Variants in MEST observed in about 807,000 individuals in gnomAD.
MEST encodes mesoderm specific transcript.
A neutral mutation model predicts 50.9 loss-of-function variants in MEST; 18 were observed. That is an observed-to-expected ratio of 0.35 (90% CI 0.24 to 0.52). MEST has a LOEUF of 0.52. MEST is among the 20% of genes least tolerant of loss of function. The pLI is 0.94. For missense variants in MEST, 282 were observed against 425.3 expected (o/e 0.66, Z 2.96); for synonymous variants, 130 against 154.1 (o/e 0.84, Z 1.16).
chr7:130,502,641 C>A lies in MEST; in HGVS notation c.750-3C>A, dbSNP rs782219752. On this transcript the variant is annotated splice_region_variant and splice_polypyrimidine_tract_variant and intron_variant, in intron 9 of 11. Coordinates refer to ENST00000223215, the MANE Select transcript of MEST (RefSeq NM_002402.4). ...TGCACATGCTGACTTACCTGTCCTACAGTCTCTTACAGTACATCAATCAGA... is the reference window on the plus strand; with the variant it reads ...TGCACATGCTGACTTACCTGTCCTAAAGTCTCTTACAGTACATCAATCAGA... 6.2e-7 allele frequency: 1 copy of A among 1,613,210 alleles called. No homozygotes were observed. The highest frequency in any genetic ancestry group is 1.3e-5 in the African/African-American group (1 of 75,024).
intron 9 of MEST, among the ~76,000 whole-genome samples, chr7:130,502,236 AAAAC>A (rs1799303127): frequency 6.6e-6 from 1 of 152,214 alleles, no homozygotes; most frequent in Admixed American, 6.5e-5. Flanking sequence ...TGTCTTTTAA[AAAAC>A]AAACCAACAA....
rs1304436378 is a variant in MEST at position 130,492,159 on chromosome 7, G to T, written c.-155G>T. ...TCGCAAGCGCAGTGCCGCAGCGCAC[G>T]CCGGAGTGGCTGTAGCTGCCCGGCG... On this transcript the variant is annotated 5_prime_UTR_variant, in exon 1 of 12. Transcript: ENST00000223215. This position sits in a 1 kb window ranked among gnomAD's most constrained non-coding sequence, Gnocchi z 7.6. 2 of 407,320 alleles carry T rather than the reference G, an allele frequency of 4.9e-6. No homozygotes were observed. Among genetic ancestry groups the T allele is most frequent in the Non-Finnish European group, 7.7e-6 (2 of 260,272 alleles). The allele number at this position is 407,320 out of a possible 1,614,324, so 25.2% of individuals were successfully genotyped here.
chr7:130,503,858 G>A (rs1799370026), intron 10 of MEST, 75 bp from the exon 11 acceptor site: 2 of 1,074,052 alleles, frequency 1.9e-6, no homozygotes, highest in South Asian at 2.6e-5. Context: ...TCTTTTCGGA[G>A]AGGAGTTAAT....
chr7:130,504,005 C>T lies in MEST; in HGVS notation c.890+9C>T. ...TTTTTGGAGCTGTACAGGTGAGTCT[C>T]CCCGAGAGAAGTCTATGTTTTGTTA... On this transcript the variant is annotated intron_variant, in intron 11 of 11. Coordinates refer to ENST00000223215, the MANE Select transcript of MEST (RefSeq NM_002402.4). 2.5e-6 allele frequency: 4 copies of T among 1,608,236 alleles called. No homozygotes were observed. Among genetic ancestry groups the T allele is most frequent in the Non-Finnish European group, 3.4e-6 (4 of 1,174,926 alleles).
chr7:130,504,728 T>TG (rs1365815460), intron 11 of MEST, among the ~76,000 whole-genome samples: 1 of 152,226 alleles, frequency 6.6e-6, no homozygotes, highest in East Asian at 1.9e-4. Flanking sequence ...TGTTGTTTGT[T>TG]GGATTATGAA....
At chr7:130,489,990 ATTTG>A (rs1376121637), upstream of MEST, 6 of 152,164 alleles carry the variant, frequency 3.9e-5, no homozygotes, top group African/African-American at 1.4e-4. Context: ...AAAGTGTGGA[ATTTG>A]TTTGTAGGAC....
At chr7:130,490,488 A>T (rs1279747109), upstream of MEST, among the ~76,000 whole-genome samples, 4 of 151,912 alleles carry the variant, frequency 2.6e-5, no homozygotes, top group African/African-American at 9.7e-5. Flanking sequence ...GCGCCCTCAA[A>T]TTCTTGTACT....
At chr7:130,486,887 G>A (rs1217306163) in intron 1 of MEST, 3 of 152,688 alleles carry the variant, frequency 2.0e-5, no homozygotes, top group South Asian at 2.1e-4. Context: ...TGGCTGTTCC[G>A]GGTCGGAGCT....
In MEST at chr7:130,497,108, ATTTT is replaced by A. The variant is rs1554437167; in HGVS notation, c.182-46_182-43del. 6.7e-7 allele frequency: 1 copy of A among 1,495,188 alleles called. No individual in the cohort carries two copies. Among genetic ancestry groups the A allele is most frequent in the Non-Finnish European group, 9.2e-7 (1 of 1,086,718 alleles). The allele number at this position is 1,495,188 out of a possible 1,614,324, so 92.6% of individuals were successfully genotyped here. A position where few individuals can be genotyped will look rare whatever the true frequency, so the allele number is the denominator to read the frequency against. On this transcript the variant is annotated intron_variant, in intron 2 of 11. Coordinates refer to ENST00000223215, the MANE Select transcript of MEST (RefSeq NM_002402.4). This position sits in a 1 kb window ranked among gnomAD's most constrained non-coding sequence, Gnocchi z 4.0. ...CTTAGATTTTAACATCTTCGAGGTT[ATTTT>A]TATAGGGATTTGGCATAATTGATTG...
intron 10 of MEST, among the ~76,000 whole-genome samples, chr7:130,503,097 G>C (rs1478320415): frequency 6.6e-6 from 1 of 152,214 alleles, no homozygotes; most frequent in African/African-American, 2.4e-5. Flanking sequence ...TGCATTGTCA[G>C]TGACTGCCAC....
intron 11 of MEST, among the ~76,000 whole-genome samples, chr7:130,504,609 T>C (rs1799406232): frequency 6.6e-6 from 1 of 152,228 alleles, no homozygotes; most frequent in Non-Finnish European, 1.5e-5. Context: ...TATCTCTGCT[T>C]GGGCAGTGAG....
intron 1 of MEST, among the ~76,000 whole-genome samples, chr7:130,493,634 C>T (rs953270188): frequency 2.0e-5 from 3 of 152,142 alleles, no homozygotes; most frequent in Admixed American, 6.5e-5. Flanking sequence ...TTTAACCCCC[C>T]ACTTTCCCTG....
chr7:130,504,133 A>G, intron 11 of MEST, 137 bp downstream of exon 11: 1 of 656,418 alleles, frequency 1.5e-6, no homozygotes, highest in Non-Finnish European at 2.7e-6. Flanking sequence ...AACAATAAAA[A>G]GATTGAGTTG....
intron 2 of MEST, 156 bp from the exon 3 acceptor site, chr7:130,497,000 C>T (rs1461020067): frequency 3.2e-5 from 17 of 539,270 alleles, no homozygotes; most frequent in Middle Eastern, 3.2e-4. Flanking sequence ...TCTCACCTAA[C>T]GCAGTTAAGC....
Position 130,492,399 on chromosome 7 carries a change from G to T in MEST, c.26+60G>T. The T allele has an allele frequency of 8.1e-7, 1 of 1,231,150 alleles. No individual in the cohort carries two copies. The highest frequency in any genetic ancestry group is 3.7e-5 in the South Asian group (1 of 26,972). 76.3% of individuals were successfully genotyped at this position (1,231,150 alleles called of 1,614,324 possible). A position where few individuals can be genotyped will look rare whatever the true frequency, so the allele number is the denominator to read the frequency against. Reference sequence around the variant, plus strand: ...GCGGCCCTGGGACTAGGGCGCAGGCGAGCGGAGGACTGTGTGCCCGTGTCC... The same window carrying T: ...GCGGCCCTGGGACTAGGGCGCAGGCTAGCGGAGGACTGTGTGCCCGTGTCC... On this transcript the variant is annotated intron_variant, in intron 1 of 11. Transcript: ENST00000223215. This position sits in a 1 kb window ranked among gnomAD's most constrained non-coding sequence, Gnocchi z 7.6.
chr7:130,500,153 C>T lies in MEST; in HGVS notation c.576+238C>T, dbSNP rs528456419. The T allele has an allele frequency of 3.7e-6, 2 of 547,694 alleles. No individual in the cohort carries two copies. The highest frequency in any genetic ancestry group is 2.8e-5 in the South Asian group (1 of 35,524). The allele number at this position is 547,694 out of a possible 1,614,324, so 33.9% of individuals were successfully genotyped here. On this transcript the variant is annotated intron_variant, in intron 7 of 11. Coordinates refer to ENST00000223215, the MANE Select transcript of MEST (RefSeq NM_002402.4). This position sits in a 1 kb window ranked among gnomAD's most constrained non-coding sequence, Gnocchi z 5.0. Reference sequence around the variant, plus strand: ...GATCAACAAATATTTGGAGAAATTACAGCTATGGAAAGATCTGTGTCACAA... The same window carrying T: ...GATCAACAAATATTTGGAGAAATTATAGCTATGGAAAGATCTGTGTCACAA...
chr7:130,498,712 T>C, intron 6 of MEST: 1 of 588,902 alleles, frequency 1.7e-6, no homozygotes, highest in Non-Finnish European at 3.0e-6. Flanking sequence ...GTGACTTTAC[T>C]TACATAGTCA....
upstream of MEST, among the ~76,000 whole-genome samples, chr7:130,490,510 T>C (rs1798762746): frequency 1.3e-5 from 2 of 152,150 alleles, no homozygotes; most frequent in African/African-American, 4.8e-5. Context: ...ATTCAAGCAG[T>C]ATTTATTAGG....
Position 130,500,925 on chromosome 7 carries a change from C to T in MEST, c.749+35C>T, listed in dbSNP as rs765205. 37 of 1,576,844 alleles carry T rather than the reference C, an allele frequency of 2.3e-5. No individual in the cohort carries two copies. Among genetic ancestry groups the T allele is most frequent in the African/African-American group, 5.4e-5 (4 of 74,114 alleles). ...TACCCTTTGCTTTGGTTTCCAGAGA[C>T]GTGTTTTTGTGGAGAGTGGGGATTG... On this transcript the variant is annotated intron_variant, in intron 9 of 11. Transcript: ENST00000223215. The surrounding 1 kb of genome is among the most constrained non-coding windows in gnomAD (Gnocchi z 5.0).
Sources: gnomAD v4.1 joint callset for allele counts (sites outside exome capture counted in the v4.1 genomes callset) on GRCh38, gnomAD v4.1.1 for gene constraint, Gnocchi (gnomAD v3.1) non-coding constraint, MANE v1.5 for transcripts, NCBI Gene and HGNC (gene_info 2026-07-23, HGNC 2026-07-21) for gene names.